Variants in RSPH14 observed in about 807,000 individuals in gnomAD.
RSPH14 encodes the protein radial spoke head 14 homolog, also known as rhabdoid tumor deletion region gene 1.
RSPH14 carries 20 observed loss-of-function variants against 26.7 expected under a neutral mutation model. The ratio of observed to expected loss-of-function variants is 0.75; its 90% CI spans 0.53 to 1.09. The LOEUF (loss-of-function observed/expected upper bound fraction) is 1.09. RSPH14 is among the 50% of genes least tolerant of loss of function. RSPH14 has a pLI of 0.00. For missense variants in RSPH14, 449 were observed against 457.2 expected, an observed-to-expected ratio of 0.98 and a Z score of 0.16; for synonymous variants, 177 against 189.3, an observed-to-expected ratio of 0.93 and a Z score of 0.53.
chr22:23,151,419 C>T, the RSPH14 span, among the ~76,000 whole-genome samples: 4 of 152,270 alleles, frequency 2.6e-5, no homozygotes, highest in African/African-American at 9.6e-5. Flanking sequence ...AGACACAATC[C>T]CTGCTCTCAC....
chr22:23,145,642 C>G, upstream of RSPH14: 1 of 1,371,484 alleles, frequency 7.3e-7, no homozygotes. Context: ...GGCACAGCGT[C>G]CGCGCCCACT....
chr22:23,095,380 C>T, intron 4 of RSPH14: 1 of 336,968 alleles, frequency 3.0e-6, no homozygotes, highest in Non-Finnish European at 5.5e-6. Context: ...GCAGCCGAGG[C>T]AAACACAAGC....
chr22:23,096,049 C>G (rs145676028), intron 4 of RSPH14: 1 of 1,607,074 alleles, frequency 6.2e-7, no homozygotes, highest in Admixed American at 1.7e-5. Flanking sequence ...AGAGCAAGGG[C>G]GAGATCACAC....
chr22:23,109,778 C>T (rs977305809), intron 4 of RSPH14, among the ~76,000 whole-genome samples: 2 of 152,210 alleles, frequency 1.3e-5, no homozygotes, highest in Non-Finnish European at 2.9e-5. Flanking sequence ...GCCCTGGAAG[C>T]TGTGGGAGTG....
chr22:23,169,237 C>T, the RSPH14 span, among the ~76,000 whole-genome samples: 3 of 152,344 alleles, frequency 2.0e-5, no homozygotes, highest in Admixed American at 6.5e-5. Flanking sequence ...ATCTTTGCTC[C>T]GCACTCTGGC....
intron 4 of RSPH14, chr22:23,122,424 C>T (rs1569187673): frequency 6.5e-6 from 1 of 152,826 alleles, no homozygotes; most frequent in Non-Finnish European, 1.5e-5. Context: ...GCCAGATGCC[C>T]CACAGCAGCT....
the RSPH14 span, chr22:23,180,078 G>C: frequency 8.9e-6 from 3 of 336,120 alleles, no homozygotes; most frequent in African/African-American, 6.6e-5. Context: ...GCTTCTGTCG[G>C]AGGACTGCTG....
chr22:23,119,235 A>C (rs923267609), intron 4 of RSPH14, among the ~76,000 whole-genome samples: 1 of 152,226 alleles, frequency 6.6e-6, no homozygotes, highest in Non-Finnish European at 1.5e-5. Flanking sequence ...CCAGGCAAGC[A>C]CCAGGGCCCA....
intron 3 of RSPH14, among the ~76,000 whole-genome samples, chr22:23,134,529 T>C (rs1019606417): frequency 1.5e-5 from 2 of 130,972 alleles, no homozygotes; most frequent in African/African-American, 2.9e-5. Flanking sequence ...GGACTCAAAA[T>C]TGAGCCCCAA....
the RSPH14 span, among the ~76,000 whole-genome samples, chr22:23,175,601 G>A: frequency 6.3e-4 from 96 of 152,358 alleles, no homozygotes; most frequent in Non-Finnish European, 1.1e-3. Flanking sequence ...GATTACAGGC[G>A]TGAGCCATAG....
At chr22:23,160,914 G>C in the RSPH14 span, 1 of 1,613,878 alleles carries the variant, frequency 6.2e-7, no homozygotes, top group Non-Finnish European at 8.5e-7. Flanking sequence ...CCGCGTAGCC[G>C]CCCTGGCATT....
At chr22:23,161,935 A>C in the RSPH14 span, 2 of 221,842 alleles carry the variant, frequency 9.0e-6, no homozygotes, top group Non-Finnish European at 1.8e-5. Context: ...CATGGCCCAC[A>C]TCAGCAGTCA....
In RSPH14 at chr22:23,085,877, T is replaced by C. The variant is rs868345000; in HGVS notation, c.422-21744A>G. On this transcript the variant is annotated intron_variant, in intron 4 of 6. Transcript: ENST00000216036. Reference sequence around the variant, plus strand: ...CTTCCCCAGAGGAAGGTAATCCTTTTTGTTTCTCTCTCAATCCTTCTCCTT... The same window carrying C: ...CTTCCCCAGAGGAAGGTAATCCTTTCTGTTTCTCTCTCAATCCTTCTCCTT... Among the ~76,000 whole-genome samples, 4 of 152,216 alleles carry C rather than the reference T, an allele frequency of 2.6e-5. No individual in the cohort carries two copies. In the South Asian group the frequency reaches 8.3e-4, roughly 32 times the overall value.
At chr22:23,163,611 C>CCCCCA in the RSPH14 span, 1 of 146,832 alleles carries the variant, frequency 6.8e-6, no homozygotes, top group Admixed American at 6.8e-5. Context: ...TGAAAGCCCC[C>CCCCCA]CCCCCGCCAC....
intron 4 of RSPH14, chr22:23,070,610 C>CCGCTGAGT (rs1490002666): frequency 4.6e-5 from 7 of 152,328 alleles, no homozygotes; most frequent in Non-Finnish European, 7.3e-5. Context: ...CGCCGCTGAG[C>CCGCTGAGT]CTCAGGGGTC....
chr22:23,066,661 G>T (rs73878637), intron 4 of RSPH14, among the ~76,000 whole-genome samples: 5 of 152,134 alleles, frequency 3.3e-5, no homozygotes, highest in Admixed American at 6.5e-5. Flanking sequence ...CCAGATCTGC[G>T]ATGGCTTGCT....
intron 4 of RSPH14, among the ~76,000 whole-genome samples, chr22:23,113,209 C>T (rs574180017): frequency 6.6e-6 from 1 of 152,350 alleles, no homozygotes; most frequent in African/African-American, 2.4e-5. Context: ...TAAACTGCAT[C>T]TTTACAACAG....
chr22:23,118,759 C>T (rs1211408901), intron 4 of RSPH14, among the ~76,000 whole-genome samples: 1 of 152,216 alleles, frequency 6.6e-6, no homozygotes, highest in African/African-American at 2.4e-5. Context: ...TGGGGCAGGG[C>T]CACATGACTC....
intron 4 of RSPH14, among the ~76,000 whole-genome samples, chr22:23,087,037 C>T (rs5751579): frequency 0.25 from 37,663 of 152,124 alleles, 4,851 homozygotes; most frequent in East Asian, 0.36. Context: ...CTTCCTCATT[C>T]GGCGAGGAGG....
Sources: allele counts gnomAD v4.1 joint callset (sites outside exome capture counted in the v4.1 genomes callset), GRCh38; gene constraint gnomAD v4.1.1; transcripts MANE v1.5; gene names NCBI Gene and HGNC (gene_info 2026-07-23, HGNC 2026-07-21).